The following MDGA2 variants were observed in gnomAD, a reference collection of about 807,000 sequenced individuals.
MDGA2 encodes the protein MAM domain-containing glycosylphosphatidylinositol anchor protein 2.
A neutral mutation model predicts 117.8 loss-of-function variants in MDGA2; 40 were observed. That is an observed-to-expected ratio of 0.34 (90% CI 0.26 to 0.44). The LOEUF (loss-of-function observed/expected upper bound fraction) is 0.44. Among genes scored for constraint, MDGA2 ranks in the 20% least tolerant of loss-of-function variants. The pLI is 1.00. For synonymous variants in MDGA2, 452 were observed against 439.0 expected (o/e 1.03, Z -0.37); for missense variants, 1,123 against 1,250.6 (o/e 0.90, Z 1.54).
intron 1 of MDGA2, among the ~76,000 whole-genome samples, chr14:47,318,267 G>A (rs1027457148): frequency 6.6e-6 from 1 of 150,388 alleles, no homozygotes; most frequent in Admixed American, 6.6e-5. Context: ...AAAAACGCTG[G>A]AAATTCTTCT....
chr14:47,595,993 A>T (rs761315985), intron 1 of MDGA2, among the ~76,000 whole-genome samples: 13 of 152,214 alleles, frequency 8.5e-5, no homozygotes, highest in Non-Finnish European at 1.6e-4. Flanking sequence ...CATAGAACAC[A>T]GAAAACTAAT....
At chr14:46,885,954 T>G (rs1189804974) in intron 10 of MDGA2, among the ~76,000 whole-genome samples, 1 of 152,048 alleles carries the variant, frequency 6.6e-6, no homozygotes, top group Non-Finnish European at 1.5e-5. Context: ...TCACAGGACA[T>G]CAAACAAACC....
chr14:47,271,944 T>A (rs1488898095), intron 2 of MDGA2, among the ~76,000 whole-genome samples: 1 of 152,148 alleles, frequency 6.6e-6, no homozygotes, highest in Non-Finnish European at 1.5e-5. Flanking sequence ...TTTGCTATTG[T>A]GTACACCCCA....
At chr14:47,080,764 G>A (rs1411868470) in intron 6 of MDGA2, among the ~76,000 whole-genome samples, 1 of 151,994 alleles carries the variant, frequency 6.6e-6, no homozygotes, top group Non-Finnish European at 1.5e-5. Flanking sequence ...TTGTCCCATT[G>A]CTATTGTACC....
At chr14:46,877,235 C>T (rs1882268495) in intron 12 of MDGA2, among the ~76,000 whole-genome samples, 1 of 151,500 alleles carries the variant, frequency 6.6e-6, no homozygotes, top group South Asian at 2.1e-4. Flanking sequence ...AAATATTAAG[C>T]AGGTTGGTAA....
At chr14:47,412,286 T>G (rs1181094137) in intron 1 of MDGA2, among the ~76,000 whole-genome samples, 1 of 152,152 alleles carries the variant, frequency 6.6e-6, no homozygotes, top group Non-Finnish European at 1.5e-5. Context: ...TTATTTCCTT[T>G]TATTTTTTTC....
chr14:47,393,316 A>G (rs1017035545), intron 1 of MDGA2, among the ~76,000 whole-genome samples: 3 of 151,818 alleles, frequency 2.0e-5, no homozygotes, highest in Non-Finnish European at 4.4e-5. Flanking sequence ...GCTTTATATT[A>G]AAACCAGAAT....
At chr14:47,540,563 T>TGC (rs1895331658) in intron 1 of MDGA2, among the ~76,000 whole-genome samples, 1 of 112,522 alleles carries the variant, frequency 8.9e-6, no homozygotes, top group Non-Finnish European at 1.9e-5. Context: ...TGTATATATA[T>TGC]ACACACACAC....
At chr14:47,626,938 G>A (rs1897156705) in intron 1 of MDGA2, among the ~76,000 whole-genome samples, 1 of 152,260 alleles carries the variant, frequency 6.6e-6, no homozygotes, top group Admixed American at 6.5e-5. Context: ...CCCCGGTGCG[G>A]GATCCACTGG....
chr14:47,603,362 A>C (rs1896682421), intron 1 of MDGA2, among the ~76,000 whole-genome samples: 1 of 152,190 alleles, frequency 6.6e-6, no homozygotes, highest in Non-Finnish European at 1.5e-5. Flanking sequence ...ATGATGTATC[A>C]GTCCAAAACA....
intron 10 of MDGA2, among the ~76,000 whole-genome samples, chr14:46,911,126 C>G (rs1042208330): frequency 1.3e-5 from 2 of 152,144 alleles, no homozygotes; most frequent in Admixed American, 1.3e-4. Flanking sequence ...CAAACTTGTG[C>G]ATGGACACCT....
intron 9 of MDGA2, 153 bp from the exon 10 acceptor site, chr14:46,920,313 G>T: frequency 1.5e-6 from 1 of 681,756 alleles, no homozygotes; most frequent in Non-Finnish European, 2.2e-6. Flanking sequence ...GAACAGATGT[G>T]AGATTTCCTG....
intron 1 of MDGA2, among the ~76,000 whole-genome samples, chr14:47,344,515 G>A: frequency 6.6e-6 from 1 of 152,112 alleles, no homozygotes; most frequent in African/African-American, 2.4e-5. Context: ...ACAATAAGCT[G>A]TAAATAGAGT....
At chr14:47,012,900 G>A (rs1246963873) in intron 8 of MDGA2, among the ~76,000 whole-genome samples, 20 of 152,050 alleles carry the variant, frequency 1.3e-4, no homozygotes, top group Admixed American at 2.0e-4. Flanking sequence ...ACAGCATTGA[G>A]TCTAAAAAAA....
chr14:46,896,225 G>A (rs1336197220), intron 10 of MDGA2, among the ~76,000 whole-genome samples: 1 of 152,018 alleles, frequency 6.6e-6, no homozygotes, highest in African/African-American at 2.4e-5. Flanking sequence ...ACATACTGAT[G>A]TACCATAGCT....
rs369979247 is a variant in MDGA2 at position 47,372,982 on chromosome 14, T to C, written c.281-71432A>G. On this transcript the variant is annotated intron_variant, in intron 1 of 16. Coordinates refer to ENST00000399232, the MANE Select transcript of MDGA2 (RefSeq NM_001113498.3). ...AAAAAAAATTTGTATTGTAGAACAA[T>C]GCAAATACCAGTATTATCCCATTTT... Among the ~76,000 whole-genome samples, 196 of 152,106 alleles carry C rather than the reference T, an allele frequency of 1.3e-3. 1 individual carries two copies. Among genetic ancestry groups the C allele is most frequent in the African/African-American group, 4.5e-3 (186 of 41,574 alleles).
chr14:46,843,214 T>C (rs950173967), intron 16 of MDGA2, among the ~76,000 whole-genome samples: 2 of 152,176 alleles, frequency 1.3e-5, no homozygotes, highest in African/African-American at 4.8e-5. Flanking sequence ...CTATGGGCTT[T>C]CACAGGCATT....
At chr14:47,117,929 A>G (rs1188296243) in intron 5 of MDGA2, among the ~76,000 whole-genome samples, 2 of 152,210 alleles carry the variant, frequency 1.3e-5, no homozygotes, top group Non-Finnish European at 2.9e-5. Context: ...TAATAAAATA[A>G]AATTTAAAAA....
intron 8 of MDGA2, among the ~76,000 whole-genome samples, chr14:47,022,853 G>A (rs764390808): frequency 6.6e-6 from 1 of 152,140 alleles, no homozygotes; most frequent in African/African-American, 2.4e-5. Context: ...GGTAGGGAAT[G>A]CTATTTGCCA....
Sources: allele counts gnomAD v4.1 joint callset (sites outside exome capture counted in the v4.1 genomes callset), GRCh38; gene constraint gnomAD v4.1.1; transcripts MANE v1.5; gene names NCBI Gene and HGNC (gene_info 2026-07-23, HGNC 2026-07-21).